Variants in GALNT17 observed in about 807,000 individuals in gnomAD.
GALNT17 encodes the protein UDP-GalNAc:polypeptide N-acetylgalactosaminyltransferase-like 3.
Under a neutral mutation model 63.7 loss-of-function variants are expected in GALNT17, and 29 were observed. That is an observed-to-expected ratio of 0.46 (90% CI 0.34 to 0.62). The LOEUF (loss-of-function observed/expected upper bound fraction) is 0.62. Among genes scored for constraint, GALNT17 ranks in the 20% least tolerant of loss-of-function variants. GALNT17 has a pLI of 0.01. For missense variants in GALNT17, 603 were observed against 799.6 expected (o/e 0.75, Z 2.97); for synonymous variants, 305 against 318.3 (o/e 0.96, Z 0.45).
chr7:71,688,215 C>G (rs1791390361), intron 9 of GALNT17, among the ~76,000 whole-genome samples: 3 of 152,164 alleles, frequency 2.0e-5, no homozygotes, highest in Admixed American at 1.3e-4. Context: ...ATTCGTCTTA[C>G]CTCGTTGCAT....
intron 6 of GALNT17, among the ~76,000 whole-genome samples, chr7:71,587,270 C>T (rs1053287054): frequency 3.9e-5 from 6 of 152,106 alleles, no homozygotes; most frequent in Admixed American, 6.5e-5. Flanking sequence ...TCAAGTGATC[C>T]GCCTGCCTCA....
chr7:71,629,213 T>G (rs1584100485), intron 6 of GALNT17, among the ~76,000 whole-genome samples: 2 of 151,272 alleles, frequency 1.3e-5, no homozygotes, highest in South Asian at 2.1e-4. Context: ...TAGCAGAGAG[T>G]GAGGGGGCAG....
At chr7:71,251,112 C>T (rs1790190070) in intron 1 of GALNT17, among the ~76,000 whole-genome samples, 2 of 152,228 alleles carry the variant, frequency 1.3e-5, no homozygotes, top group Admixed American at 6.5e-5. Context: ...TGGTGTGCTG[C>T]ACCCATTAAC....
chr7:71,476,680 C>T (rs577078630), intron 5 of GALNT17, among the ~76,000 whole-genome samples: 20 of 152,098 alleles, frequency 1.3e-4, no homozygotes, highest in Non-Finnish European at 2.5e-4. Context: ...GTCATCGCAG[C>T]GGGGAGTGCT....
intron 1 of GALNT17, among the ~76,000 whole-genome samples, chr7:71,270,606 A>G (rs1409431530): frequency 1.3e-5 from 2 of 151,678 alleles, no homozygotes; most frequent in Non-Finnish European, 2.9e-5. Context: ...GAATAATATA[A>G]TGGACTTAAT....
At chr7:71,195,301 G>T (rs905371608) in intron 1 of GALNT17, among the ~76,000 whole-genome samples, 1 of 151,970 alleles carries the variant, frequency 6.6e-6, no homozygotes, top group Non-Finnish European at 1.5e-5. Context: ...GTGCCACCTC[G>T]ACCTCCTGGC....
At chr7:71,246,119 T>G (rs1344822506) in intron 1 of GALNT17, among the ~76,000 whole-genome samples, 12 of 114,940 alleles carry the variant, frequency 1.0e-4, no homozygotes, top group Non-Finnish European at 1.9e-4. Flanking sequence ...TTCGTTGTTT[T>G]TTTTTTTTTT....
chr7:71,154,886 ACATT>A (rs1421829001), intron 1 of GALNT17, among the ~76,000 whole-genome samples: 1 of 151,764 alleles, frequency 6.6e-6, no homozygotes, highest in Non-Finnish European at 1.5e-5. Context: ...ACAATAGCTA[ACATT>A]TATTAAGCTC....
intron 5 of GALNT17, among the ~76,000 whole-genome samples, chr7:71,463,293 G>T (rs1787481776): frequency 6.6e-6 from 1 of 152,168 alleles, no homozygotes; most frequent in African/African-American, 2.4e-5. Context: ...TAGAAACAAT[G>T]GGGTTGCAAA....
chr7:71,284,896 C>A (rs1047677574), intron 1 of GALNT17, among the ~76,000 whole-genome samples: 6 of 143,850 alleles, frequency 4.2e-5, no homozygotes, highest in Non-Finnish European at 9.2e-5. Context: ...TTTTTTTTTT[C>A]TTCCATAAGT....
At chr7:71,227,174 CAAAAAAAAAAA>C (rs58450619) in intron 1 of GALNT17, among the ~76,000 whole-genome samples, 1 of 60,816 alleles carries the variant, frequency 1.6e-5, no homozygotes, top group Non-Finnish European at 3.1e-5. Context: ...ACCGTCTCTA[CAAAAAAAAAAA>C]AAAAAAAAAA....
intron 2 of GALNT17, among the ~76,000 whole-genome samples, chr7:71,346,629 G>A (rs1583878281): frequency 6.6e-6 from 1 of 152,016 alleles, no homozygotes; most frequent in East Asian, 1.9e-4. Flanking sequence ...CACATCAACT[G>A]CCTAACCTTC....
chr7:71,557,393 G>T lies in GALNT17; in HGVS notation c.963-13892G>T, dbSNP rs573143843. Reference sequence around the variant, plus strand: ...TTTTATCAAAGTTGTTCTTGCATCAGCCCTGGAAGTTGAAGAGGGATTATT... The same window carrying T: ...TTTTATCAAAGTTGTTCTTGCATCATCCCTGGAAGTTGAAGAGGGATTATT... On this transcript the variant is annotated intron_variant, in intron 5 of 10. Transcript: ENST00000333538. 2.6e-5 allele frequency among the ~76,000 whole-genome samples: 4 copies of T among 152,120 alleles called. 1 individual carries two copies. In the South Asian group the frequency reaches 8.3e-4, roughly 32 times the overall value.
chr7:71,239,756 C>T (rs1191507146), intron 1 of GALNT17, among the ~76,000 whole-genome samples: 2 of 152,114 alleles, frequency 1.3e-5, no homozygotes, highest in East Asian at 1.9e-4. Flanking sequence ...GGACATGTGA[C>T]GAGGCTCTGG....
chr7:71,588,959 G>C (rs1251483146), intron 6 of GALNT17, among the ~76,000 whole-genome samples: 1 of 152,118 alleles, frequency 6.6e-6, no homozygotes, highest in African/African-American at 2.4e-5. Flanking sequence ...AACTGAGCCA[G>C]AGAGGACACA....
chr7:71,382,349 T>C (rs1344278711), intron 2 of GALNT17, among the ~76,000 whole-genome samples: 2 of 152,000 alleles, frequency 1.3e-5, no homozygotes, highest in East Asian at 1.9e-4. Context: ...CATTGCACCC[T>C]AGCCTGGGCC....
At chr7:71,213,678 T>A (rs1562920701) in intron 1 of GALNT17, among the ~76,000 whole-genome samples, 1 of 152,218 alleles carries the variant, frequency 6.6e-6, no homozygotes, top group Non-Finnish European at 1.5e-5. Context: ...CTCCTTTTTC[T>A]CCCACATGGG....
intron 6 of GALNT17, among the ~76,000 whole-genome samples, chr7:71,622,675 T>C (rs1790314378): frequency 6.6e-6 from 1 of 152,160 alleles, no homozygotes; most frequent in Non-Finnish European, 1.5e-5. Flanking sequence ...TCACTCCTGT[T>C]TGTAGGCTGA....
intron 5 of GALNT17, among the ~76,000 whole-genome samples, chr7:71,492,728 C>A (rs768946677): frequency 1.3e-5 from 2 of 152,180 alleles, no homozygotes; most frequent in Non-Finnish European, 2.9e-5. Flanking sequence ...TTTCGTAGAA[C>A]CGTTGTGAGA....
Sources: gnomAD v4.1 joint callset for allele counts (sites outside exome capture counted in the v4.1 genomes callset) on GRCh38, gnomAD v4.1.1 for gene constraint, MANE v1.5 for transcripts, NCBI Gene and HGNC (gene_info 2026-07-23, HGNC 2026-07-21) for gene names.